The following ANXA8 variants were observed in gnomAD, a reference collection of about 807,000 sequenced individuals.
The protein encoded by ANXA8 is VAC-beta.
Under a neutral mutation model 26.8 loss-of-function variants are expected in ANXA8, and 9 were observed. That is an observed-to-expected ratio of 0.34 (90% CI 0.20 to 0.59). The LOEUF is 0.59. Ranked by LOEUF, ANXA8 falls within the 20% of genes least tolerant of loss-of-function variation. The probability of loss-of-function intolerance (pLI) is 0.84; values close to 1 mark genes in which losing one functional copy is unlikely to be tolerated. For missense variants in ANXA8, 83 were observed against 238.5 expected (o/e 0.35, Z 4.29); for synonymous variants, 39 against 94.8 (o/e 0.41, Z 3.42).
chr10:47,711,765 C>T, the ANXA8 span, among the ~76,000 whole-genome samples: 4 of 80,968 alleles, frequency 4.9e-5, no homozygotes, highest in Non-Finnish European at 8.9e-5. Context: ...TGTGAATATT[C>T]TTTTAAAATT....
the ANXA8 span, chr10:47,696,655 A>G: frequency 2.2e-6 from 1 of 445,914 alleles, no homozygotes; most frequent in South Asian, 3.2e-5. Flanking sequence ...TAAGAATGAA[A>G]ATAGAATTTT....
chr10:47,694,648 T>C, the ANXA8 span, among the ~76,000 whole-genome samples: 1 of 151,830 alleles, frequency 6.6e-6, no homozygotes, highest in Non-Finnish European at 1.5e-5. Context: ...CTCGAACTCC[T>C]GACCTTGTGA....
chr10:47,586,599 C>T, the ANXA8 span, among the ~76,000 whole-genome samples: 1 of 145,958 alleles, frequency 6.9e-6, no homozygotes, highest in Non-Finnish European at 1.5e-5. Context: ...ACCTTGATGG[C>T]CTGCAGGCTC....
chr10:47,959,840 C>G, the ANXA8 span, among the ~76,000 whole-genome samples: 1 of 151,070 alleles, frequency 6.6e-6, no homozygotes, highest in Admixed American at 6.6e-5. Flanking sequence ...GTGCTGTGCC[C>G]GCTTCTAAGC....
chr10:47,622,039 T>C, the ANXA8 span, among the ~76,000 whole-genome samples: 2 of 111,098 alleles, frequency 1.8e-5, no homozygotes, highest in Non-Finnish European at 3.9e-5. Context: ...ATAAAATTGG[T>C]ATCTGAAAAA....
At chr10:47,937,455 T>G in the ANXA8 span, among the ~76,000 whole-genome samples, 1 of 149,512 alleles carries the variant, frequency 6.7e-6, no homozygotes, top group African/African-American at 2.4e-5. Flanking sequence ...TTAAACATTT[T>G]TATTTATTTT....
the ANXA8 span, among the ~76,000 whole-genome samples, chr10:47,968,763 C>T: frequency 4.0e-5 from 6 of 150,770 alleles, 1 homozygote; most frequent in Non-Finnish European, 7.4e-5. Context: ...AGGCAAAGCC[C>T]CTTTTCTAGC....
chr10:47,666,047 G>C, the ANXA8 span, among the ~76,000 whole-genome samples: 17 of 151,334 alleles, frequency 1.1e-4, no homozygotes. Flanking sequence ...AAAAACTACT[G>C]AGTAGTTTTT....
At chr10:47,700,119 AAT>A in the ANXA8 span, among the ~76,000 whole-genome samples, 1 of 152,022 alleles carries the variant, frequency 6.6e-6, no homozygotes, top group East Asian at 1.9e-4. Context: ...TTCCAATGAA[AAT>A]ATATGTGTTG....
chr10:47,637,441 T>C, the ANXA8 span, among the ~76,000 whole-genome samples: 1 of 150,088 alleles, frequency 6.7e-6, no homozygotes, highest in Non-Finnish European at 1.5e-5. Context: ...GTAACATCCT[T>C]TGTATCTCCT....
chr10:47,744,566 C>G, the ANXA8 span, among the ~76,000 whole-genome samples: 2 of 151,506 alleles, frequency 1.3e-5, no homozygotes, highest in African/African-American at 4.8e-5. Context: ...AATAAAGCTA[C>G]AAGTGGAGAG....
chr10:47,726,990 T>C, the ANXA8 span: 2 of 1,397,014 alleles, frequency 1.4e-6, no homozygotes, highest in Non-Finnish European at 1.0e-6. Flanking sequence ...GAAGTTGTTT[T>C]ATTCAGGAGT....
At chr10:47,900,770 C>A in the ANXA8 span, among the ~76,000 whole-genome samples, 1 of 121,540 alleles carries the variant, frequency 8.2e-6, no homozygotes, top group African/African-American at 3.5e-5. Flanking sequence ...GTAAGTTGAA[C>A]CTAATGAAAA....
At chr10:47,586,843 C>A in the ANXA8 span, among the ~76,000 whole-genome samples, 1 of 146,372 alleles carries the variant, frequency 6.8e-6, no homozygotes, top group Non-Finnish European at 1.5e-5. Flanking sequence ...GAAGAGCCCC[C>A]ATCTCCTAGG....
the ANXA8 span, chr10:47,553,296 T>A: frequency 1.3e-5 from 2 of 152,164 alleles, no homozygotes; most frequent in East Asian, 3.9e-4. Context: ...CAGGGATTCA[T>A]CCCGTCACTC....
chr10:47,724,269 G>A, the ANXA8 span, among the ~76,000 whole-genome samples: 11 of 135,336 alleles, frequency 8.1e-5, 3 homozygotes, highest in South Asian at 2.3e-4. Context: ...TACCTATTGC[G>A]CAAACCAGCA....
the ANXA8 span, among the ~76,000 whole-genome samples, chr10:47,663,360 C>T: frequency 9.7e-5 from 14 of 144,622 alleles, 1 homozygote; most frequent in South Asian, 2.1e-4. Flanking sequence ...TGTAAATTTG[C>T]GTGAGATAAA....
At chr10:47,470,074 A>G (rs1839280415) in intron 11 of ANXA8, among the ~76,000 whole-genome samples, 1 of 151,658 alleles carries the variant, frequency 6.6e-6, no homozygotes, top group Non-Finnish European at 1.5e-5. Flanking sequence ...AATTTTTCGA[A>G]TAGTTTTTAG....
the ANXA8 span, among the ~76,000 whole-genome samples, chr10:47,960,433 G>C: frequency 6.8e-6 from 1 of 147,366 alleles, no homozygotes; most frequent in South Asian, 2.2e-4. Flanking sequence ...TTCAGCTAAG[G>C]GGACAGAAGG....
Sources: gnomAD v4.1 joint callset for allele counts (sites outside exome capture counted in the v4.1 genomes callset) on GRCh38, gnomAD v4.1.1 for gene constraint, MANE v1.5 for transcripts, NCBI Gene and HGNC (gene_info 2026-07-23, HGNC 2026-07-21) for gene names.